Variants in TSR1 observed in about 807,000 individuals in gnomAD.
The protein encoded by TSR1 is pre-rRNA-processing protein TSR1 homolog.
In TSR1, 81 loss-of-function variants were observed where a neutral mutation model predicts 90.9. The observed-to-expected ratio is 0.89, with a 90% CI of 0.74 to 1.07. The LOEUF (loss-of-function observed/expected upper bound fraction) is 1.07, where lower values mean the gene tolerates loss of function less well. Among genes scored for constraint, TSR1 ranks in the 50% least tolerant of loss-of-function variants. The probability of loss-of-function intolerance (pLI) is 0.00; values close to 1 mark genes in which losing one functional copy is unlikely to be tolerated. For missense variants in TSR1, 989 were observed against 987.3 expected, an observed-to-expected ratio of 1.00 and a Z score of -0.02; for synonymous variants, 362 against 348.8, an observed-to-expected ratio of 1.04 and a Z score of -0.42.
Position 2,324,294 on chromosome 17 carries a change from C to G in TSR1, c.2317G>C (p.Val773Leu), listed in dbSNP as rs773641156. The G allele has an allele frequency of 1.3e-6, 2 of 1,556,826 alleles. No individual in the cohort carries two copies. Among genetic ancestry groups the G allele is most frequent in the Non-Finnish European group, 1.7e-6 (2 of 1,156,850 alleles). ...DTVLMNLYKR[V>L]FPKWTYDPYV... The stretch of plus-strand genomic sequence containing the variant: ...GGATCATAAGTCCATTTGGGGAAGA[C>G]TCGTTTATACAGGTTCATCAGTACT... Residue 773 changes from valine (V) to leucine (L), a missense_variant, in exon 15 of 15, where the codon GTC (valine) becomes CTC (leucine). Val to Leu is a conservative substitution (Grantham distance 32). Coordinates refer to ENST00000301364, the MANE Select transcript of TSR1 (RefSeq NM_018128.5).
At chr17:2,333,815 A>T (rs2064025227) in intron 5 of TSR1, 99 bp from the exon 6 acceptor site, 1 of 1,432,964 alleles carries the variant, frequency 7.0e-7, no homozygotes, top group Non-Finnish European at 9.6e-7. Context: ...CCTCATGTAT[A>T]AGATGAGTGC....
chr17:2,324,311 A>G lies in TSR1; in HGVS notation c.2300T>C (p.Met767Thr), dbSNP rs760282430. 12 of 1,568,650 alleles carry G rather than the reference A, an allele frequency of 7.6e-6. No homozygotes were observed. Among genetic ancestry groups the G allele is most frequent in the South Asian group, 3.7e-5 (3 of 82,096 alleles). The part of the protein sequence containing the change: ...GKLKSQDTVL[M>T]NLYKRVFPKW... ...GGGGAAGACTCGTTTATACAGGTTC[A>G]TCAGTACTGTGTCTTGAGATTTTAG... Residue 767 changes from methionine to threonine, a missense_variant, in exon 15 of 15, where the codon ATG becomes ACG. By Grantham distance (81) the Met-to-Thr change is moderately conservative (BLOSUM62 -1). Coordinates refer to ENST00000301364, the MANE Select transcript of TSR1 (RefSeq NM_018128.5).
At chr17:2,328,919 CAAAAAAAAAAAAAAAAAAA>C (rs56003468) in intron 11 of TSR1, 4 of 89,914 alleles carry the variant, frequency 4.4e-5, no homozygotes, top group Non-Finnish European at 5.9e-5. Flanking sequence ...GACTCCGTCT[CAAAAAAAAAAAAAAAAAAA>C]AAAAAAAAAC....
In TSR1 at chr17:2,332,960, C is replaced by A. The variant is rs192457887; in HGVS notation, c.1305+1G>T. 1.9e-6 allele frequency: 3 copies of A among 1,613,064 alleles called. No homozygotes were observed. Among genetic ancestry groups the A allele is most frequent in the East Asian group, 2.2e-5 (1 of 44,880 alleles). On this transcript the variant is annotated splice_donor_variant, in intron 7 of 14. Transcript: ENST00000301364. LOFTEE classifies it high-confidence loss of function. ...ATTGGCCTAAGGCCTCATTTCCTTA[C>A]CTGAGATTCCTCCTCCATAAAATCC...
intron 11 of TSR1, among the ~76,000 whole-genome samples, chr17:2,327,430 A>G (rs2075582025): frequency 6.6e-6 from 1 of 151,732 alleles, no homozygotes; most frequent in African/African-American, 2.4e-5. Context: ...AAAAAAAAAA[A>G]AAAAATTGTA....
chr17:2,330,099 G>A, intron 10 of TSR1: 1 of 328,374 alleles, frequency 3.0e-6, no homozygotes, highest in South Asian at 2.5e-5. Context: ...TTGTATTTTT[G>A]GTAGAGACAG....
In TSR1 at chr17:2,334,786, A is replaced by T; in HGVS notation, c.667T>A (p.Leu223Ile). The T allele has an allele frequency of 6.2e-7, 1 of 1,614,208 alleles. No individual in the cohort carries two copies. ...KRFPHDKLLL[L>I]DTQQEAGMLL... The stretch of plus-strand genomic sequence containing the variant: ...ATCCCTGCCTCCTGTTGAGTGTCTA[A>T]CAAGAGGAGTTTGTCATGCGGAAAG... Residue 223 changes from leucine to isoleucine, a missense_variant, in exon 5 of 15, where the codon TTA (leucine) becomes ATA (isoleucine). Leu to Ile is a conservative substitution (Grantham distance 5). Transcript: ENST00000301364.
intron 11 of TSR1, 49 bp from the exon 12 acceptor site, chr17:2,325,469 G>C (rs1418407402): frequency 4.3e-6 from 6 of 1,389,932 alleles, no homozygotes; most frequent in Non-Finnish European, 5.0e-6. Context: ...TGAGAAACCA[G>C]AGGTGATAGA....
chr17:2,331,377 C>T (rs927887113), intron 8 of TSR1, among the ~76,000 whole-genome samples: 14 of 152,208 alleles, frequency 9.2e-5, no homozygotes, highest in African/African-American at 3.4e-4. Flanking sequence ...CAATCTCATA[C>T]TGAAATACAA....
intron 11 of TSR1, among the ~76,000 whole-genome samples, chr17:2,327,369 A>G (rs1239252830): frequency 6.6e-6 from 1 of 150,574 alleles, no homozygotes; most frequent in African/African-American, 2.5e-5. Context: ...ATGAGCTGAG[A>G]TCATGTTACT....
In TSR1 at chr17:2,323,493, C is replaced by A. The variant is rs2075552003; in HGVS notation, c.*703G>T. 3 of 1,146,544 alleles carry A rather than the reference C, an allele frequency of 2.6e-6. No homozygotes were observed. Among genetic ancestry groups the A allele is most frequent in the Non-Finnish European group, 3.7e-6 (3 of 803,116 alleles). 71.0% of individuals were successfully genotyped at this position (1,146,544 alleles called of 1,614,324 possible). A position where few individuals can be genotyped will look rare whatever the true frequency, so the allele number is the denominator to read the frequency against. Reference sequence around the variant, plus strand: ...GGTACCCTAGATGTATTAATGACAACCCTCTTGACAGAAGCAGAGTCAGAA... The same window carrying A: ...GGTACCCTAGATGTATTAATGACAAACCTCTTGACAGAAGCAGAGTCAGAA... On this transcript the variant is annotated 3_prime_UTR_variant, in exon 15 of 15. Coordinates refer to ENST00000301364, the MANE Select transcript of TSR1 (RefSeq NM_018128.5).
chr17:2,332,278 C>G lies in TSR1; in HGVS notation c.1387G>C (p.Val463Leu), dbSNP rs370670727. ...SVHDDLYDKKVDEEAEAKMLE... is the reference protein window; with the variant it reads ...SVHDDLYDKKLDEEAEAKMLE... ...ATTTTTGCCTCAGCTTCTTCATCTA[C>G]TTTCTTATCATACAGATCATCATGC... The change falls in exon 8 of 15, where the codon GTA becomes CTA. Residue 463 changes from valine (V) to leucine (L), a missense_variant. Val to Leu is a conservative substitution (Grantham distance 32). Coordinates refer to ENST00000301364, the MANE Select transcript of TSR1 (RefSeq NM_018128.5). The G allele has an allele frequency of 6.2e-7, 1 of 1,614,068 alleles. No individual in the cohort carries two copies. The highest frequency in any genetic ancestry group is 8.5e-7 in the Non-Finnish European group (1 of 1,180,014).
At chr17:2,333,822 GTGC>G in intron 5 of TSR1, 106 bp from the exon 6 acceptor site, 2 of 1,391,552 alleles carry the variant, frequency 1.4e-6, no homozygotes, top group Non-Finnish European at 2.0e-6. Context: ...TATAAGATGA[GTGC>G]GACAGAATGC....
In TSR1 at chr17:2,334,776, T is replaced by A. The variant is rs371268938; in HGVS notation, c.677A>T (p.Gln226Leu). 9.3e-6 allele frequency: 15 copies of A among 1,614,134 alleles called. No individual in the cohort carries two copies. Among genetic ancestry groups the A allele is most frequent in the Non-Finnish European group, 1.0e-5 (12 of 1,180,062 alleles). Residue 226 changes from glutamine (Q) to leucine (L), a missense_variant, in exon 5 of 15, where the codon CAA (glutamine) becomes CTA (leucine). Coordinates refer to ENST00000301364, the MANE Select transcript of TSR1 (RefSeq NM_018128.5). ...PHDKLLLLDT[Q>L]QEAGMLLRQL... ...CCTAAGCAGCATCCCTGCCTCCTGT[T>A]GAGTGTCTAACAAGAGGAGTTTGTC...
chr17:2,328,919 C>CAA (rs56003468), intron 11 of TSR1: 276 of 92,366 alleles, frequency 3.0e-3, no homozygotes, highest in South Asian at 7.1e-3. Flanking sequence ...GACTCCGTCT[C>CAA]AAAAAAAAAA....
rs200298697 is a variant in TSR1 at position 2,323,190 on chromosome 17, T to G, written c.*1006A>C. The G allele has an allele frequency of 1.2e-6, 2 of 1,614,230 alleles. No individual in the cohort carries two copies. Among genetic ancestry groups the G allele is most frequent in the Non-Finnish European group, 1.7e-6 (2 of 1,180,040 alleles). Reference sequence around the variant, plus strand: ...TGCTGAACCCTCAAATGCAGATGACTGCTACCAGTCCAAGCTGAAGGGGAA... The same window carrying G: ...TGCTGAACCCTCAAATGCAGATGACGGCTACCAGTCCAAGCTGAAGGGGAA... On this transcript the variant is annotated 3_prime_UTR_variant, in exon 15 of 15. Coordinates refer to ENST00000301364, the MANE Select transcript of TSR1 (RefSeq NM_018128.5).
At chr17:2,328,634 A>AAAAAAACAT in intron 11 of TSR1, among the ~76,000 whole-genome samples, 1 of 150,624 alleles carries the variant, frequency 6.6e-6, no homozygotes, top group South Asian at 2.1e-4. Flanking sequence ...AAAAAAAACA[A>AAAAAAACAT]GAGGGGGCGC....
chr17:2,330,920 T>C (rs771998384), intron 9 of TSR1, 27 bp downstream of exon 9: 6 of 1,554,146 alleles, frequency 3.9e-6, no homozygotes, highest in Non-Finnish European at 5.2e-6. Flanking sequence ...GAAAGCAACA[T>C]ACAAGATGAA....
chr17:2,334,477 T>C lies in TSR1; in HGVS notation c.976A>G (p.Met326Val), dbSNP rs768718672. 1.1e-5 allele frequency: 18 copies of C among 1,612,020 alleles called. No individual in the cohort carries two copies. The highest frequency in any genetic ancestry group is 4.5e-5 in the East Asian group (2 of 44,860). Residue 326 changes from methionine (M) to valine (V), a missense_variant, in exon 5 of 15, where the codon ATG (methionine) becomes GTG (valine). Coordinates refer to ENST00000301364, the MANE Select transcript of TSR1 (RefSeq NM_018128.5). ...ATTAAGAATATCAGTCTTACCTCCA[T>C]TGCCATGTCTGGGTCCTTTTGGGGT... is the stretch of plus-strand genomic sequence containing the variant. ...IKPQKDPDMA[M>V]EICATDAVDD...
Sources: gnomAD v4.1 joint callset for allele counts (sites outside exome capture counted in the v4.1 genomes callset) on GRCh38, gnomAD v4.1.1 for gene constraint, MANE v1.5 for transcripts, NCBI Gene and HGNC (gene_info 2026-07-23, HGNC 2026-07-21) for gene names.